The following SYT2 variants were observed in gnomAD, a reference collection of about 807,000 sequenced individuals.
SYT2 encodes synaptotagmin 2, also known as synaptotagmin-2.
Under a neutral mutation model 39.9 loss-of-function variants are expected in SYT2, and 15 were observed. The ratio of observed to expected loss-of-function variants is 0.38; its 90% confidence interval spans 0.25 to 0.58. The LOEUF is 0.58. SYT2 is among the 20% of genes least tolerant of loss of function. The pLI is 0.70. For synonymous variants in SYT2, 181 were observed against 204.5 expected (o/e 0.89, Z 0.98); for missense variants, 389 against 530.3 (o/e 0.73, Z 2.62).
intron 1 of SYT2, among the ~76,000 whole-genome samples, chr1:202,703,284 C>T (rs575512697): frequency 4.6e-5 from 7 of 151,986 alleles, no homozygotes; most frequent in South Asian, 2.1e-4. Flanking sequence ...CCCCTCCCTC[C>T]GCCGCCCATA....
chr1:202,625,271 GGT>G (rs145130008), intron 1 of SYT2, among the ~76,000 whole-genome samples: 6 of 86,626 alleles, frequency 6.9e-5, no homozygotes, highest in African/African-American at 1.1e-4. Context: ...CATGTAGTAG[GGT>G]GTGTGTGTGA....
chr1:202,611,001 A>G (rs1326174962), intron 1 of SYT2, among the ~76,000 whole-genome samples: 1 of 152,224 alleles, frequency 6.6e-6, no homozygotes, highest in Non-Finnish European at 1.5e-5. Flanking sequence ...ACCAAAAAAG[A>G]GCCCGCATTG....
chr1:202,633,556 C>T (rs1691657261), intron 1 of SYT2, among the ~76,000 whole-genome samples: 1 of 152,122 alleles, frequency 6.6e-6, no homozygotes, highest in Non-Finnish European at 1.5e-5. Flanking sequence ...TTGCTGAGCA[C>T]AGCAGTGACC....
At chr1:202,631,023 C>T (rs1406938056) in intron 1 of SYT2, among the ~76,000 whole-genome samples, 2 of 152,174 alleles carry the variant, frequency 1.3e-5, no homozygotes, top group African/African-American at 4.8e-5. Flanking sequence ...CCCAGCCCTG[C>T]ACCATTTCTG....
At chr1:202,624,245 ATGTGGGCGCTAGGG>A (rs1449621995) in intron 1 of SYT2, among the ~76,000 whole-genome samples, 2 of 140,010 alleles carry the variant, frequency 1.4e-5, no homozygotes, top group Non-Finnish European at 3.0e-5. Flanking sequence ...AGTGTGTGTG[ATGTGGGCGCTAGGG>A]TGTGGGGGAC....
chr1:202,647,568 C>T (rs371279961), intron 1 of SYT2, among the ~76,000 whole-genome samples: 3 of 152,258 alleles, frequency 2.0e-5, no homozygotes, highest in African/African-American at 7.2e-5. Flanking sequence ...CTCACCCCTG[C>T]CCCCAGGCCC....
Position 202,590,969 on chromosome 1 carries a change from C to T in SYT2, c.*5788G>A, listed in dbSNP as rs1029008048. ...CTAAGGCAGGTGGGATGGAGGAACT[C>T]CTGGTGCCCCATGCACACTGCTCCC... On this transcript the variant is annotated 3_prime_UTR_variant, in exon 9 of 9. Coordinates refer to ENST00000367268, the MANE Select transcript of SYT2 (RefSeq NM_177402.5). 2 of 152,282 alleles carry T rather than the reference C, an allele frequency of 1.3e-5. No homozygotes were observed. Among genetic ancestry groups the T allele is most frequent in the Non-Finnish European group, 2.9e-5 (2 of 68,116 alleles). The allele number at this position is 152,282 out of a possible 1,614,324, so 9.4% of individuals were successfully genotyped here. A position where few individuals can be genotyped will look rare whatever the true frequency, so the allele number is the denominator to read the frequency against.
intron 1 of SYT2, among the ~76,000 whole-genome samples, chr1:202,654,852 C>T (rs1357656225): frequency 6.6e-6 from 1 of 152,202 alleles, no homozygotes; most frequent in Non-Finnish European, 1.5e-5. Context: ...TGACCAGCTT[C>T]TGCATAATCC....
Position 202,628,983 on chromosome 1 carries a change from G to A in SYT2, c.-17-23194C>T, listed in dbSNP as rs572030314. Among the ~76,000 whole-genome samples the A allele has an allele frequency of 1.3e-5, 2 of 152,296 alleles. No homozygotes were observed. The highest frequency in any genetic ancestry group is 2.1e-4 in the South Asian group (1 of 4,820). On this transcript the variant is annotated intron_variant, in intron 1 of 8. Transcript: ENST00000367268. This position sits in a 1 kb window ranked among gnomAD's most constrained non-coding sequence, Gnocchi z 4.2. Reference sequence around the variant, plus strand: ...AATGGAAGCTGCTGCGCAGGGCTGCGAGGCTTAGGAGCACTGTATGTAAAG... The same window carrying A: ...AATGGAAGCTGCTGCGCAGGGCTGCAAGGCTTAGGAGCACTGTATGTAAAG...
At position 202,668,650 on chromosome 1, in the gene SYT2, T is replaced by C. The variant is rs930334826; in HGVS notation, c.-18+41608A>G. On this transcript the variant is annotated intron_variant, in intron 1 of 8. Transcript: ENST00000367268. ...GCTACCTAGGAGAATAATAATTCCT[T>C]GCCTTGAAGTATTTCTTATAGGCAG... is the stretch of plus-strand genomic sequence containing the variant. Among the ~76,000 whole-genome samples the C allele has an allele frequency of 5.9e-5, 9 of 152,356 alleles. No homozygotes were observed. The East Asian group carries it at 1.7e-3, about 29-fold the overall frequency.
chr1:202,608,734 CAT>C (rs952069521), intron 1 of SYT2, among the ~76,000 whole-genome samples: 2 of 152,092 alleles, frequency 1.3e-5, no homozygotes, highest in African/African-American at 4.8e-5. Context: ...TTTGCGTGGA[CAT>C]ATGTTTTCAT....
chr1:202,655,372 GGTT>G (rs989224459), intron 1 of SYT2, among the ~76,000 whole-genome samples: 8 of 152,096 alleles, frequency 5.3e-5, no homozygotes, highest in Non-Finnish European at 8.8e-5. Context: ...TTGTGTTCTG[GGTT>G]GTTGTTGTTT....
At chr1:202,706,773 GA>G (rs1654263855) in intron 1 of SYT2, among the ~76,000 whole-genome samples, 1 of 152,190 alleles carries the variant, frequency 6.6e-6, no homozygotes, top group Non-Finnish European at 1.5e-5. Flanking sequence ...GGAAGATGAA[GA>G]ATCAACTTGT....
At chr1:202,671,536 T>C (rs1692590354) in intron 1 of SYT2, among the ~76,000 whole-genome samples, 1 of 152,234 alleles carries the variant, frequency 6.6e-6, no homozygotes, top group Non-Finnish European at 1.5e-5. Context: ...AACCCAGAGC[T>C]GGAAGTCGCT....
chr1:202,625,178 C>T (rs796319191), intron 1 of SYT2, among the ~76,000 whole-genome samples: 1 of 900 alleles, frequency 1.1e-3, no homozygotes, highest in Non-Finnish European at 2.1e-3. Context: ...GTGTGTGTGT[C>T]GTGTGTGTGG....
At chr1:202,685,275 T>A (rs1325949713) in intron 1 of SYT2, among the ~76,000 whole-genome samples, 1 of 152,316 alleles carries the variant, frequency 6.6e-6, no homozygotes, top group Non-Finnish European at 1.5e-5. Context: ...GGGGGCTGTT[T>A]AGAAGAACCA....
intron 1 of SYT2, chr1:202,630,391 A>C (rs1691550413): frequency 2.0e-6 from 2 of 985,252 alleles, no homozygotes; most frequent in African/African-American, 3.5e-5. Flanking sequence ...CTTTCCCATG[A>C]TGCACAGGCG....
chr1:202,603,835 C>G (rs1052306411), intron 3 of SYT2, among the ~76,000 whole-genome samples: 1 of 152,184 alleles, frequency 6.6e-6, no homozygotes, highest in Admixed American at 6.5e-5. Context: ...GCCCTTCCCT[C>G]CATCCTCCAT....
At chr1:202,665,603 AGT>A (rs1483084388) in intron 1 of SYT2, among the ~76,000 whole-genome samples, 11 of 152,022 alleles carry the variant, frequency 7.2e-5, no homozygotes, top group Non-Finnish European at 1.2e-4. Context: ...AGGCCAGAAG[AGT>A]GGGGTCATTG....
Sources: allele counts gnomAD v4.1 joint callset (sites outside exome capture counted in the v4.1 genomes callset), GRCh38; gene constraint gnomAD v4.1.1; non-coding constraint Gnocchi (gnomAD v3.1); transcripts MANE v1.5; gene names NCBI Gene and HGNC (gene_info 2026-07-23, HGNC 2026-07-21).